Variants in DTWD2 observed in about 807,000 individuals in gnomAD.
The protein encoded by DTWD2 is DTW motif tRNA-uridine aminocarboxypropyltransferase 2.
DTWD2 carries 39 observed loss-of-function variants against 31.8 expected under a neutral mutation model. That is an observed-to-expected ratio of 1.22 (90% CI 0.95 to 1.60). The LOEUF (loss-of-function observed/expected upper bound fraction) is 1.60, where lower values mean the gene tolerates loss of function less well. Ranked by LOEUF, DTWD2 falls within the 40% of genes most tolerant of loss-of-function variation. The pLI, the probability that DTWD2 is intolerant of heterozygous loss-of-function variation, is 0.00. For synonymous variants in DTWD2, 180 were observed against 142.8 expected (o/e 1.26, Z -1.86); for missense variants, 515 against 381.5 (o/e 1.35, Z -2.92).
Position 118,903,146 on chromosome 5 carries a change from TAA to T in DTWD2, c.597+25389_597+25390del, listed in dbSNP as rs55691479. On this transcript the variant is annotated intron_variant, in intron 4 of 5. Transcript: ENST00000510708. The stretch of plus-strand genomic sequence containing the variant: ...ATTAATATTCATTGTGCTAAAATGG[TAA>T]AAAAAAAAAAAAACTTGAGTCAGTA... 3.8e-3 allele frequency among the ~76,000 whole-genome samples: 523 copies of T among 138,250 alleles called. 3 individuals are homozygous for T. The highest frequency in any genetic ancestry group is 0.013 in the African/African-American group (499 of 39,410). The allele number at this position is 138,250 out of a possible 152,430, so 90.7% of individuals were successfully genotyped here.
At chr5:118,982,572 CTT>C (rs1342394602) in intron 1 of DTWD2, among the ~76,000 whole-genome samples, 1 of 151,748 alleles carries the variant, frequency 6.6e-6, no homozygotes, top group Non-Finnish European at 1.5e-5. Context: ...ATAATTTTCT[CTT>C]GAGAATATAT....
intron 1 of DTWD2, among the ~76,000 whole-genome samples, chr5:118,983,050 C>T (rs1260043394): frequency 1.3e-5 from 2 of 152,142 alleles, no homozygotes; most frequent in African/African-American, 4.8e-5. Context: ...TCTACATTAA[C>T]TACCCTAGGA....
At chr5:118,854,402 AACC>A (rs1298450490) in intron 4 of DTWD2, among the ~76,000 whole-genome samples, 1 of 152,106 alleles carries the variant, frequency 6.6e-6, no homozygotes, top group African/African-American at 2.4e-5. Flanking sequence ...GGAAAAATTC[AACC>A]AGAGCAAAAC....
At chr5:118,960,093 G>A (rs968927583) in intron 1 of DTWD2, among the ~76,000 whole-genome samples, 2 of 152,078 alleles carry the variant, frequency 1.3e-5, no homozygotes, top group Admixed American at 1.3e-4. Context: ...ATTGACAAAT[G>A]GGACTTAATT....
chr5:118,879,520 G>A (rs1752692824), intron 4 of DTWD2, among the ~76,000 whole-genome samples: 1 of 146,596 alleles, frequency 6.8e-6, no homozygotes, highest in South Asian at 2.2e-4. Flanking sequence ...TGAGGCAGGA[G>A]AATCACTTGA....
chr5:118,925,806 C>G (rs1322016425), intron 4 of DTWD2, among the ~76,000 whole-genome samples: 1 of 151,652 alleles, frequency 6.6e-6, no homozygotes, highest in Non-Finnish European at 1.5e-5. Context: ...GATTGTGCCA[C>G]TGCACTCCAG....
rs1389837443 is a variant in DTWD2, at chr5:118,967,818, T to C, written c.218+20476A>G. Among the ~76,000 whole-genome samples the C allele has an allele frequency of 2.6e-5, 4 of 152,180 alleles. No homozygotes were observed. The East Asian group carries it at 7.7e-4, about 29-fold the overall frequency. On this transcript the variant is annotated intron_variant, in intron 1 of 5. Transcript: ENST00000510708. ...CATCAGAGCACCATAGCCATAATTGTTGCAGACAAGATGGATACTAAAATC... is the reference window on the plus strand; with the variant it reads ...CATCAGAGCACCATAGCCATAATTGCTGCAGACAAGATGGATACTAAAATC...
chr5:118,891,511 C>T (rs552924314), intron 4 of DTWD2, among the ~76,000 whole-genome samples: 22 of 152,294 alleles, frequency 1.4e-4, no homozygotes, highest in African/African-American at 4.3e-4. Flanking sequence ...TACACTGCTG[C>T]TCACAGCCTA....
chr5:118,851,144 G>A (rs1751992648), intron 4 of DTWD2, among the ~76,000 whole-genome samples: 1 of 148,318 alleles, frequency 6.7e-6, no homozygotes, highest in Non-Finnish European at 1.5e-5. Context: ...ACTTGAACCT[G>A]AGAGGCAGAG....
intron 1 of DTWD2, among the ~76,000 whole-genome samples, chr5:118,960,382 G>C (rs1224583674): frequency 1.3e-5 from 2 of 152,012 alleles, no homozygotes; most frequent in African/African-American, 4.8e-5. Context: ...TGACATACCA[G>C]CTCACACCAG....
intron 1 of DTWD2, among the ~76,000 whole-genome samples, chr5:118,949,559 T>C (rs927121163): frequency 1.3e-5 from 2 of 152,320 alleles, no homozygotes; most frequent in Non-Finnish European, 1.5e-5. Flanking sequence ...GGAGAGTTTA[T>C]ATGCTTTAGA....
intron 1 of DTWD2, among the ~76,000 whole-genome samples, chr5:118,951,979 G>A (rs913737861): frequency 1.3e-5 from 2 of 152,168 alleles, no homozygotes; most frequent in East Asian, 1.9e-4. Context: ...CGGATAAAAC[G>A]CGTCTCCTCT....
Position 118,939,255 on chromosome 5 carries a change from T to A in DTWD2, c.345A>T (p.Ala115=). 1 of 1,601,070 alleles carries A rather than the reference T, an allele frequency of 6.2e-7. No homozygotes were observed. The highest frequency in any genetic ancestry group is 2.3e-5 in the East Asian group (1 of 44,228). The change falls in exon 3 of 6, where the codon GCA becomes GCT. Residue 115 remains alanine, a synonymous_variant. Coordinates refer to ENST00000510708, the MANE Select transcript of DTWD2 (RefSeq NM_173666.4). ...NKVLRTVPLL[A]ACLPQDKCKV... ...TACACTTGTCCTGGGGGAGGCATGCTGCTAGTAGAGGAACTGTACGCAACA... is the reference window on the plus strand; with the variant it reads ...TACACTTGTCCTGGGGGAGGCATGCAGCTAGTAGAGGAACTGTACGCAACA...
chr5:118,856,191 T>C (rs1192942309), intron 4 of DTWD2, among the ~76,000 whole-genome samples: 4 of 152,202 alleles, frequency 2.6e-5, no homozygotes, highest in Non-Finnish European at 5.9e-5. Flanking sequence ...ATAATTCTCT[T>C]ACTTTTTGGT....
intron 4 of DTWD2, among the ~76,000 whole-genome samples, chr5:118,890,599 T>C (rs1752958540): frequency 8.2e-6 from 1 of 122,240 alleles, no homozygotes; most frequent in Non-Finnish European, 1.6e-5. Context: ...TGAGACAGAG[T>C]CTCCCTCTGT....
At chr5:118,986,611 C>G (rs145344780) in intron 1 of DTWD2, among the ~76,000 whole-genome samples, 2 of 152,062 alleles carry the variant, frequency 1.3e-5, no homozygotes, top group African/African-American at 4.8e-5. Context: ...GAAGTTCACC[C>G]AGGGTACTAG....
At chr5:118,941,300 C>A (rs1580424520) in intron 2 of DTWD2, among the ~76,000 whole-genome samples, 1 of 152,096 alleles carries the variant, frequency 6.6e-6, no homozygotes. Flanking sequence ...TACATTAGGT[C>A]TATCTCCTAA....
At chr5:118,882,053 C>T (rs536540539) in intron 4 of DTWD2, among the ~76,000 whole-genome samples, 17 of 152,292 alleles carry the variant, frequency 1.1e-4, no homozygotes, top group East Asian at 1.9e-4. Flanking sequence ...AAGTACCTTC[C>T]GCCTATGAGC....
rs1751640347 is a variant in DTWD2 at position 118,838,965 on chromosome 5, A to G, written c.*1952T>C. The G allele has an allele frequency of 6.6e-6, 1 of 152,086 alleles. No homozygotes were observed. The highest frequency in any genetic ancestry group is 1.5e-5 in the Non-Finnish European group (1 of 68,036). The allele number at this position is 152,086 out of a possible 1,614,324, so 9.4% of individuals were successfully genotyped here. On this transcript the variant is annotated 3_prime_UTR_variant, in exon 6 of 6. Coordinates refer to ENST00000510708, the MANE Select transcript of DTWD2 (RefSeq NM_173666.4). The stretch of plus-strand genomic sequence containing the variant: ...ATCACGAGGTCAGGAGATCGAGACC[A>G]TCCTGGCTAATACGGTGAAACCCCA...
Sources: gnomAD v4.1 joint callset for allele counts (sites outside exome capture counted in the v4.1 genomes callset) on GRCh38, gnomAD v4.1.1 for gene constraint, MANE v1.5 for transcripts, NCBI Gene and HGNC (gene_info 2026-07-23, HGNC 2026-07-21) for gene names.